Variants in CD40 observed in about 807,000 individuals in gnomAD.
CD40 encodes the protein CD40 molecule, also known as tumor necrosis factor receptor superfamily member 5.
A neutral mutation model predicts 38.5 loss-of-function variants in CD40; 19 were observed. The observed-to-expected ratio is 0.49, with a 90% confidence interval of 0.34 to 0.72. CD40 has a LOEUF of 0.72. CD40 is among the 30% of genes least tolerant of loss of function. The pLI is 0.01. For synonymous variants in CD40, 130 were observed against 128.7 expected (o/e 1.01, Z -0.07); for missense variants, 256 against 344.1 (o/e 0.74, Z 2.03).
chr20:46,127,933 G>A (rs1743290106), intron 6 of CD40: 4 of 947,752 alleles, frequency 4.2e-6, no homozygotes, highest in Middle Eastern at 2.9e-4. Flanking sequence ...TAAAAATGTC[G>A]GCAAATATTT....
intron 8 of CD40, 87 bp from the exon 9 acceptor site, chr20:46,128,795 G>A (rs765049239): frequency 7.0e-7 from 1 of 1,427,812 alleles, no homozygotes; most frequent in South Asian, 1.2e-5. Context: ...GGAGGGCTTG[G>A]GGAAGGGATC....
intron 8 of CD40, 117 bp from the exon 9 acceptor site, chr20:46,128,765 C>T (rs1468799934): frequency 2.7e-6 from 3 of 1,127,618 alleles, no homozygotes; most frequent in East Asian, 2.5e-5. Flanking sequence ...TCAGCACTGA[C>T]CCGCCGTCTG....
intron 6 of CD40, 145 bp downstream of exon 6, chr20:46,126,846 G>A (rs2085447698): frequency 7.2e-7 from 1 of 1,391,596 alleles, no homozygotes; most frequent in Non-Finnish European, 1.0e-6. Flanking sequence ...ACTTATCTTG[G>A]GAGTCTGGGC....
intron 5 of CD40, among the ~76,000 whole-genome samples, chr20:46,124,762 T>TTTG (rs2085393578): frequency 1.6e-5 from 1 of 62,178 alleles, no homozygotes; most frequent in Non-Finnish European, 3.6e-5. Context: ...TTTTTTTTTT[T>TTTG]TTTTTTTTTT....
Position 46,129,198 on chromosome 20 carries a change from T to G in CD40, c.*158T>G, listed in dbSNP as rs988084488. On this transcript the variant is annotated 3_prime_UTR_variant, in exon 9 of 9. Transcript: ENST00000372285. ...CCCCTGCAGTTTGAGACAGGAGACC[T>G]GGCACTGGATGCAGAAACAGTTCAC... 1.3e-6 allele frequency: 1 copy of G among 750,816 alleles called. No homozygotes were observed. Among genetic ancestry groups the G allele is most frequent in the Non-Finnish European group, 2.3e-6 (1 of 434,792 alleles). 46.5% of individuals were successfully genotyped at this position (750,816 alleles called of 1,614,324 possible). A position where few individuals can be genotyped will look rare whatever the true frequency, so the allele number is the denominator to read the frequency against.
chr20:46,122,664 C>A lies in CD40; in HGVS notation c.311C>A (p.Thr104Asn), dbSNP rs1171596083. The change falls in exon 4 of 9, where the codon ACC becomes AAC. Residue 104 changes from threonine to asparagine, a missense_variant. By Grantham distance (65) the Thr-to-Asn change is moderately conservative. Transcript: ENST00000372285. This position sits in a 1 kb window ranked among gnomAD's most constrained non-coding sequence, Gnocchi z 5.0. ...KGTSETDTIC[T>N]CEEGWHCTSE... Reference sequence around the variant, plus strand: ...ACCTCAGAAACAGACACCATCTGCACCTGTGAAGAAGGCTGGCACTGTACG... The same window carrying A: ...ACCTCAGAAACAGACACCATCTGCAACTGTGAAGAAGGCTGGCACTGTACG... 3 of 1,614,124 alleles carry A rather than the reference C, an allele frequency of 1.9e-6. No individual in the cohort carries two copies. Among genetic ancestry groups the A allele is most frequent in the Non-Finnish European group, 2.5e-6 (3 of 1,180,020 alleles).
intron 5 of CD40, among the ~76,000 whole-genome samples, chr20:46,125,707 CTA>C (rs374919474): frequency 5.3e-5 from 8 of 152,122 alleles, no homozygotes; most frequent in African/African-American, 1.4e-4. Flanking sequence ...CATCTCATAT[CTA>C]TATGTTTGCT....
chr20:46,129,073 G>A lies in CD40; in HGVS notation c.*33G>A, dbSNP rs1294853678. The A allele has an allele frequency of 6.2e-7, 1 of 1,611,950 alleles. No individual in the cohort carries two copies. On this transcript the variant is annotated 3_prime_UTR_variant, in exon 9 of 9. Transcript: ENST00000372285. ...CCCACCCAGGAGTGTGGCCACGTGG[G>A]CAAACAGGCAGTTGGCCAGAGAGCC...
chr20:46,122,872 C>T lies in CD40; in HGVS notation c.403+116C>T, dbSNP rs2085347298. 3 of 1,336,250 alleles carry T rather than the reference C, an allele frequency of 2.2e-6. No homozygotes were observed. Among genetic ancestry groups the T allele is most frequent in the Non-Finnish European group, 3.1e-6 (3 of 960,206 alleles). The allele number at this position is 1,336,250 out of a possible 1,614,324, so 82.8% of individuals were successfully genotyped here. A position where few individuals can be genotyped will look rare whatever the true frequency, so the allele number is the denominator to read the frequency against. On this transcript the variant is annotated intron_variant, in intron 4 of 8. Coordinates refer to ENST00000372285, the MANE Select transcript of CD40 (RefSeq NM_001250.6). The surrounding 1 kb of genome is among the most constrained non-coding windows in gnomAD (Gnocchi z 5.0). ...GAGGCAGAGGAAGCAGAGGCTCCAA[C>T]CTATGTCGGTATCCCCACTGGAGTG...
chr20:46,124,357 A>G (rs1223099212), intron 5 of CD40, among the ~76,000 whole-genome samples: 2 of 152,194 alleles, frequency 1.3e-5, no homozygotes, highest in African/African-American at 4.8e-5. Context: ...AATGGGCAAG[A>G]TAGGCACATG....
Position 46,122,802 on chromosome 20 carries a change from C to T in CD40, c.403+46C>T. 6.2e-7 allele frequency: 1 copy of T among 1,610,882 alleles called. No homozygotes were observed. The highest frequency in any genetic ancestry group is 8.5e-7 in the Non-Finnish European group (1 of 1,177,662). ...TCAGTTTTGGAGGGGGACAGAGGAGCTTAGGGCCCAAGGTGAGGGGCTGGG... is the reference window on the plus strand; with the variant it reads ...TCAGTTTTGGAGGGGGACAGAGGAGTTTAGGGCCCAAGGTGAGGGGCTGGG... On this transcript the variant is annotated intron_variant, in intron 4 of 8. Transcript: ENST00000372285. The surrounding 1 kb of genome is among the most constrained non-coding windows in gnomAD (Gnocchi z 5.0).
intron 6 of CD40, 166 bp from the exon 7 acceptor site, chr20:46,127,972 T>C: frequency 7.3e-7 from 1 of 1,378,070 alleles, no homozygotes; most frequent in Non-Finnish European, 1.0e-6. Context: ...TTCTGGCTCC[T>C]TTAAAGACAT....
At position 46,120,857 on chromosome 20, in the gene CD40, G is replaced by T. The variant is rs372447084; in HGVS notation, c.52-963G>T. 3.3e-5 allele frequency among the ~76,000 whole-genome samples: 5 copies of T among 152,312 alleles called. No homozygotes were observed. In the East Asian group the frequency reaches 9.6e-4, roughly 29 times the overall value. On this transcript the variant is annotated intron_variant, in intron 1 of 8. Coordinates refer to ENST00000372285, the MANE Select transcript of CD40 (RefSeq NM_001250.6). Reference sequence around the variant, plus strand: ...AGGCAGTCAGATCACTTGAGGTCAGGAGTTTTAGATCAGCCTGGCCAACAT... The same window carrying T: ...AGGCAGTCAGATCACTTGAGGTCAGTAGTTTTAGATCAGCCTGGCCAACAT...
Position 46,122,366 on chromosome 20 carries a change from C to G in CD40, c.256+8C>G. The G allele has an allele frequency of 6.2e-7, 1 of 1,614,148 alleles. No individual in the cohort carries two copies. Among genetic ancestry groups the G allele is most frequent in the Non-Finnish European group, 8.5e-7 (1 of 1,180,016 alleles). ...ACAAATACTGCGACCCCAGTGCGTG[C>G]GCTGTTGGGAAAGGGACGCTTGGGA... On this transcript the variant is annotated splice_region_variant and intron_variant, in intron 3 of 8. Transcript: ENST00000372285. This position sits in a 1 kb window ranked among gnomAD's most constrained non-coding sequence, Gnocchi z 5.0.
chr20:46,121,927 TGG>T, intron 2 of CD40, 29 bp downstream of exon 2: 13 of 1,576,944 alleles, frequency 8.2e-6, no homozygotes, highest in Non-Finnish European at 1.1e-5. Flanking sequence ...AGCCCCATCA[TGG>T]AGTCCCCCTT....
Position 46,118,380 on chromosome 20 carries a change from T to C in CD40, c.37T>C (p.Cys13Arg). Reference protein sequence around the residue: ...RLPLQCVLWGCLLTAVHPEPP... With the variant: ...RLPLQCVLWGRLLTAVHPEPP... ...GCCTCTGCAGTGCGTCCTCTGGGGCTGCTTGCTGACCGCTGTGAGTTGTTT... is the reference window on the plus strand; with the variant it reads ...GCCTCTGCAGTGCGTCCTCTGGGGCCGCTTGCTGACCGCTGTGAGTTGTTT... Residue 13 changes from cysteine (C) to arginine (R), a missense_variant, in exon 1 of 9, where the codon TGC (cysteine) becomes CGC (arginine). Transcript: ENST00000372285. 4 of 1,614,088 alleles carry C rather than the reference T, an allele frequency of 2.5e-6. No homozygotes were observed. The highest frequency in any genetic ancestry group is 3.4e-6 in the Non-Finnish European group (4 of 1,179,970).
chr20:46,124,466 C>T (rs1173702438), intron 5 of CD40, among the ~76,000 whole-genome samples: 1 of 152,048 alleles, frequency 6.6e-6, no homozygotes, highest in Non-Finnish European at 1.5e-5. Flanking sequence ...CCTTGCATAT[C>T]CTTCCAGAGA....
chr20:46,126,983 T>G, intron 6 of CD40: 1 of 506,474 alleles, frequency 2.0e-6, no homozygotes, highest in South Asian at 2.0e-5. Context: ...ATAATGTAAA[T>G]CAGTGAAAAA....
chr20:46,129,151 T>A lies in CD40; in HGVS notation c.*111T>A. Reference sequence around the variant, plus strand: ...GTGAGGGGCTGGCACTGACTGGGCATAGCTCCCCGCTTCTGCCTGCACCCC... The same window carrying A: ...GTGAGGGGCTGGCACTGACTGGGCAAAGCTCCCCGCTTCTGCCTGCACCCC... On this transcript the variant is annotated 3_prime_UTR_variant, in exon 9 of 9. Transcript: ENST00000372285. 1 of 1,221,728 alleles carries A rather than the reference T, an allele frequency of 8.2e-7. No individual in the cohort carries two copies. Among genetic ancestry groups the A allele is most frequent in the Non-Finnish European group, 1.2e-6 (1 of 838,346 alleles). 75.7% of individuals were successfully genotyped at this position (1,221,728 alleles called of 1,614,324 possible).
Sources: allele counts gnomAD v4.1 joint callset (sites outside exome capture counted in the v4.1 genomes callset), GRCh38; gene constraint gnomAD v4.1.1; non-coding constraint Gnocchi (gnomAD v3.1); transcripts MANE v1.5; gene names NCBI Gene and HGNC (gene_info 2026-07-23, HGNC 2026-07-21).